FOXP1: variants seen among roughly 807,000 people sequenced by gnomAD.
The protein encoded by FOXP1 is forkhead box protein P1.
FOXP1 carries 15 observed loss-of-function variants against 98.2 expected under a neutral mutation model. The ratio of observed to expected loss-of-function variants is 0.15; its 90% CI spans 0.10 to 0.24. The LOEUF is 0.24. FOXP1 is among the 10% of genes least tolerant of loss of function. The pLI is 1.00. For synonymous variants in FOXP1, 371 were observed against 314.5 expected, an observed-to-expected ratio of 1.18 and a Z score of -1.90; for missense variants, 633 against 848.5, an observed-to-expected ratio of 0.75 and a Z score of 3.15.
intron 7 of FOXP1, among the ~76,000 whole-genome samples, chr3:71,099,145 C>T (rs831434): frequency 0.94 from 142,444 of 152,254 alleles, 66,967 homozygotes; most frequent in Non-Finnish European, 0.98. Context: ...AGCTAAAACA[C>T]GCATTTGAAA....
chr3:71,475,516 G>T (rs1043511099), intron 3 of FOXP1, among the ~76,000 whole-genome samples: 4 of 152,094 alleles, frequency 2.6e-5, no homozygotes, highest in African/African-American at 9.7e-5. Flanking sequence ...TCAAAATCTT[G>T]CATTATACAA....
chr3:71,411,366 G>C (rs1248662545), intron 3 of FOXP1, among the ~76,000 whole-genome samples: 1 of 151,764 alleles, frequency 6.6e-6, no homozygotes, highest in Non-Finnish European at 1.5e-5. Context: ...CCAGGCTGGA[G>C]TGCAGTGGCG....
intron 5 of FOXP1, among the ~76,000 whole-genome samples, chr3:71,260,991 G>A (rs1363412831): frequency 2.0e-5 from 3 of 152,192 alleles, no homozygotes; most frequent in Non-Finnish European, 4.4e-5. Context: ...TGCTAATAAA[G>A]TTTAGAATTT....
intron 5 of FOXP1, among the ~76,000 whole-genome samples, 166 bp downstream of exon 5, chr3:71,299,654 C>A (rs908101408): frequency 6.6e-6 from 1 of 152,172 alleles, no homozygotes; most frequent in Non-Finnish European, 1.5e-5. Context: ...TTCTTAAGGG[C>A]AACCATTTTT....
At chr3:71,400,079 T>C (rs143302739) in intron 3 of FOXP1, among the ~76,000 whole-genome samples, 1 of 152,204 alleles carries the variant, frequency 6.6e-6, no homozygotes, top group Admixed American at 6.5e-5. Context: ...TGACAAACTT[T>C]CATTTTTTAC....
intron 2 of FOXP1, among the ~76,000 whole-genome samples, chr3:71,529,714 T>G (rs567089333): frequency 6.6e-6 from 1 of 152,208 alleles, no homozygotes; most frequent in Admixed American, 6.5e-5. Flanking sequence ...TTCTGAATGC[T>G]GAACATGTCG....
At chr3:71,041,850 G>C (rs759782245) in intron 10 of FOXP1, among the ~76,000 whole-genome samples, 7 of 152,070 alleles carry the variant, frequency 4.6e-5, no homozygotes, top group Non-Finnish European at 1.0e-4. Context: ...AAAGTAGATA[G>C]ATGTTACCTT....
At chr3:71,426,584 A>G (rs142404268) in intron 3 of FOXP1, among the ~76,000 whole-genome samples, 1 of 152,272 alleles carries the variant, frequency 6.6e-6, no homozygotes, top group African/African-American at 2.4e-5. Context: ...CTTAACAGGG[A>G]AAGTGCTAGA....
chr3:71,293,399 C>G (rs531875867), intron 5 of FOXP1, among the ~76,000 whole-genome samples: 1 of 151,676 alleles, frequency 6.6e-6, no homozygotes, highest in African/African-American at 2.4e-5. Flanking sequence ...CCCAGGAGTT[C>G]GGGGCTGCAG....
intron 5 of FOXP1, among the ~76,000 whole-genome samples, chr3:71,199,799 C>T (rs544810807): frequency 3.6e-4 from 54 of 150,058 alleles, no homozygotes; most frequent in African/African-American, 1.2e-3. Flanking sequence ...CACTTAGGGC[C>T]AGGCGCGGTG....
At chr3:71,008,321 C>T (rs1189291464) in intron 12 of FOXP1, among the ~76,000 whole-genome samples, 2 of 151,980 alleles carry the variant, frequency 1.3e-5, no homozygotes, top group African/African-American at 2.4e-5. Context: ...TACAAATCCA[C>T]GTTTTTACTA....
chr3:71,432,867 T>TAAAAAAAAAAAAAAAAAAAAAA (rs1560478182), intron 3 of FOXP1, among the ~76,000 whole-genome samples: 1 of 79,180 alleles, frequency 1.3e-5, no homozygotes, highest in Non-Finnish European at 2.7e-5. Context: ...AAAAAAAAAA[T>TAAAAAAAAAAAAAAAAAAAAAA]TAAAAAAAAA....
intron 2 of FOXP1, among the ~76,000 whole-genome samples, chr3:71,555,892 C>A (rs1578160937): frequency 6.9e-6 from 1 of 144,522 alleles, no homozygotes; most frequent in African/African-American, 2.6e-5. Context: ...GAGTTAAATA[C>A]TAAAAAAGGA....
chr3:70,983,715 G>A (rs1042384306), intron 14 of FOXP1, among the ~76,000 whole-genome samples: 3 of 152,114 alleles, frequency 2.0e-5, no homozygotes, highest in African/African-American at 4.8e-5. Flanking sequence ...AAAGCAAAGC[G>A]TTCTTCTCAT....
At chr3:71,050,830 T>G (rs890940383) in intron 9 of FOXP1, among the ~76,000 whole-genome samples, 2 of 152,238 alleles carry the variant, frequency 1.3e-5, no homozygotes, top group African/African-American at 4.8e-5. Flanking sequence ...AAACCACAAC[T>G]TGTCCAAACT....
At chr3:71,323,984 G>C (rs1401415332) in intron 4 of FOXP1, among the ~76,000 whole-genome samples, 1 of 152,052 alleles carries the variant, frequency 6.6e-6, no homozygotes, top group Non-Finnish European at 1.5e-5. Context: ...GGCTGAATTA[G>C]AATTAGATAC....
intron 6 of FOXP1, among the ~76,000 whole-genome samples, chr3:71,179,295 AT>A (rs1171290816): frequency 6.6e-6 from 1 of 151,664 alleles, no homozygotes; most frequent in African/African-American, 2.4e-5. Context: ...CGCCCAGCTA[AT>A]TTTTTTGTAT....
chr3:71,309,562 C>G (rs1310687775), intron 4 of FOXP1, among the ~76,000 whole-genome samples: 1 of 152,116 alleles, frequency 6.6e-6, no homozygotes, highest in Non-Finnish European at 1.5e-5. Context: ...TCTGGCTCTC[C>G]TCTTACTATA....
rs370192438 is a variant in FOXP1 at position 71,509,002 on chromosome 3, A to T, written c.-297-15447T>A. On this transcript the variant is annotated intron_variant, in intron 2 of 20. Coordinates refer to ENST00000649528, the MANE Select transcript of FOXP1 (RefSeq NM_001349338.3). The stretch of plus-strand genomic sequence containing the variant: ...TTCAGCCCACTGGGACTTCTCAATA[A>T]ACCTGACCCATCATGACTACTTTGG... Among the ~76,000 whole-genome samples the T allele has an allele frequency of 4.6e-5, 7 of 152,250 alleles. No homozygotes were observed. The South Asian group carries it at 1.2e-3, about 27-fold the overall frequency.
Sources: allele counts gnomAD v4.1 joint callset (sites outside exome capture counted in the v4.1 genomes callset), GRCh38; gene constraint gnomAD v4.1.1; transcripts MANE v1.5; gene names NCBI Gene and HGNC (gene_info 2026-07-23, HGNC 2026-07-21).